The following HSD17B3 variants were observed in gnomAD, a reference collection of about 807,000 sequenced individuals.
HSD17B3 encodes the protein hydroxysteroid 17-beta dehydrogenase 3.
Under a neutral mutation model 41.1 loss-of-function variants are expected in HSD17B3, and 29 were observed. That is an observed-to-expected ratio of 0.71 (90% CI 0.53 to 0.96). The LOEUF is 0.96. Among genes scored for constraint, HSD17B3 ranks in the 40% least tolerant of loss-of-function variants. The pLI, the probability that HSD17B3 is intolerant of heterozygous loss-of-function variation, is 0.00. For missense variants in HSD17B3, 323 were observed against 374.6 expected (o/e 0.86, Z 1.14); for synonymous variants, 126 against 145.6 (o/e 0.87, Z 0.97).
intron 2 of HSD17B3, among the ~76,000 whole-genome samples, chr9:96,295,026 G>A (rs890020564): frequency 1.5e-5 from 1 of 68,708 alleles, no homozygotes; most frequent in African/African-American, 5.4e-5. Context: ...TTTTTTTTTT[G>A]AGATGGTGTC....
At chr9:96,246,685 G>A in intron 6 of HSD17B3, 95 bp from the exon 7 acceptor site, 1 of 1,085,038 alleles carries the variant, frequency 9.2e-7, no homozygotes, top group Non-Finnish European at 1.4e-6. Context: ...GGAGGAAGCT[G>A]GGAAAGAGCC....
rs888642650 is a variant in HSD17B3 at position 96,290,266 on chromosome 9, C to T, written c.201+8150G>A. ...GCCACTCTAAATGTAAACGCAGATT[C>T]GGTTAAATGCAGTGAAGAATAAGCT... On this transcript the variant is annotated intron_variant, in intron 2 of 10. Transcript: ENST00000375263. Among the ~76,000 whole-genome samples the T allele has an allele frequency of 2.6e-5, 4 of 151,896 alleles. No homozygotes were observed. In the South Asian group the frequency reaches 8.3e-4, roughly 32 times the overall value.
At chr9:96,287,238 C>T (rs1215435543) in intron 2 of HSD17B3, among the ~76,000 whole-genome samples, 1 of 152,202 alleles carries the variant, frequency 6.6e-6, no homozygotes, top group Non-Finnish European at 1.5e-5. Flanking sequence ...CCAGCTGAAA[C>T]CAGAGGCCAA....
chr9:96,277,578 G>A (rs1033710547), intron 2 of HSD17B3, among the ~76,000 whole-genome samples: 3 of 152,310 alleles, frequency 2.0e-5, no homozygotes, highest in South Asian at 2.1e-4. Context: ...AAGTATTGGC[G>A]AGGATGCAGA....
At chr9:96,271,178 T>C (rs1331566404) in intron 2 of HSD17B3, among the ~76,000 whole-genome samples, 1 of 152,064 alleles carries the variant, frequency 6.6e-6, no homozygotes, top group Non-Finnish European at 1.5e-5. Context: ...AAAAGAGACA[T>C]GGTACATCCA....
At position 96,249,652 on chromosome 9, in the gene HSD17B3, A is replaced by C. The variant is rs1312327846; in HGVS notation, c.489+99T>G. 3 of 1,103,932 alleles carry C rather than the reference A, an allele frequency of 2.7e-6. No individual in the cohort carries two copies. The African/African-American group carries it at 4.6e-5, about 17-fold the overall frequency. The allele number at this position is 1,103,932 out of a possible 1,614,324, so 68.4% of individuals were successfully genotyped here. A position where few individuals can be genotyped will look rare whatever the true frequency, so the allele number is the denominator to read the frequency against. On this transcript the variant is annotated intron_variant, in intron 6 of 10. Transcript: ENST00000375263. Reference sequence around the variant, plus strand: ...TCAACTAAGTGTGGTTCGATTTCAAAGAATCCTGCTTCTACAGTGGATGGG... The same window carrying C: ...TCAACTAAGTGTGGTTCGATTTCAACGAATCCTGCTTCTACAGTGGATGGG...
chr9:96,240,540 G>A (rs1313989400), intron 10 of HSD17B3, among the ~76,000 whole-genome samples: 2 of 152,070 alleles, frequency 1.3e-5, no homozygotes, highest in African/African-American at 2.4e-5. Flanking sequence ...AGGGGAGGAG[G>A]GAGGCAGCCA....
chr9:96,242,005 G>GAAAA (rs10639457), intron 9 of HSD17B3, among the ~76,000 whole-genome samples: 2 of 68,530 alleles, frequency 2.9e-5, no homozygotes, highest in African/African-American at 1.2e-4. Flanking sequence ...AAGAAAGAAA[G>GAAAA]AGAAAGAAAA....
At chr9:96,282,992 CTT>C (rs58397134) in intron 2 of HSD17B3, among the ~76,000 whole-genome samples, 1,200 of 71,510 alleles carry the variant, frequency 0.017, 12 homozygotes, top group African/African-American at 0.067. Context: ...AGGTTTCTTT[CTT>C]TTTTTTTTTT....
intron 2 of HSD17B3, among the ~76,000 whole-genome samples, chr9:96,270,944 A>G (rs1377036249): frequency 3.1e-5 from 3 of 97,608 alleles, no homozygotes; most frequent in Non-Finnish European, 6.8e-5. Context: ...AAGATCTCTC[A>G]AATCCTCTCG....
At chr9:96,288,895 C>T (rs1038724663) in intron 2 of HSD17B3, among the ~76,000 whole-genome samples, 82 of 151,294 alleles carry the variant, frequency 5.4e-4, no homozygotes, top group African/African-American at 1.9e-3. Flanking sequence ...CGAAATTGCG[C>T]CACTGCACTC....
intron 10 of HSD17B3, 128 bp from the exon 11 acceptor site, chr9:96,235,698 A>G (rs1836210496): frequency 2.5e-6 from 2 of 806,064 alleles, no homozygotes; most frequent in East Asian, 2.7e-5. Context: ...TATGTAATTG[A>G]TAAAGTTTAA....
chr9:96,300,084 C>T (rs969544942), intron 1 of HSD17B3, among the ~76,000 whole-genome samples: 7 of 151,418 alleles, frequency 4.6e-5, no homozygotes, highest in African/African-American at 1.7e-4. Flanking sequence ...GTGCAGAGTG[C>T]TACGTCCACC....
chr9:96,267,191 C>T (rs1194290676), intron 2 of HSD17B3, among the ~76,000 whole-genome samples: 1 of 147,330 alleles, frequency 6.8e-6, no homozygotes, highest in East Asian at 2.0e-4. Context: ...GAGTCTTGCT[C>T]TGTCGCCCAG....
chr9:96,246,685 G>T, intron 6 of HSD17B3, 95 bp from the exon 7 acceptor site: 1 of 1,085,038 alleles, frequency 9.2e-7, no homozygotes, highest in Non-Finnish European at 1.4e-6. Context: ...GGAGGAAGCT[G>T]GGAAAGAGCC....
At chr9:96,281,488 G>C (rs1587771821) in intron 2 of HSD17B3, among the ~76,000 whole-genome samples, 1 of 152,284 alleles carries the variant, frequency 6.6e-6, no homozygotes, top group East Asian at 1.9e-4. Context: ...CCTTGGGTTA[G>C]AGTCCTAACT....
intron 6 of HSD17B3, among the ~76,000 whole-genome samples, chr9:96,247,647 G>T (rs1035479190): frequency 6.6e-6 from 1 of 152,190 alleles, no homozygotes; most frequent in African/African-American, 2.4e-5. Flanking sequence ...ACCGCTTTCC[G>T]TGAATGACTT....
intron 6 of HSD17B3, among the ~76,000 whole-genome samples, chr9:96,247,054 GC>G (rs1836695917): frequency 6.6e-6 from 1 of 152,170 alleles, no homozygotes; most frequent in Non-Finnish European, 1.5e-5. Context: ...TACGCAGCCT[GC>G]AGCTAGGCTA....
chr9:96,302,105 G>T lies in HSD17B3; in HGVS notation c.-1C>A. ...AGAACTGTTCCAGGACGTCCCCCAT[G>T]GCTGCACTCAACAGACTGTTTCAGC... On this transcript the variant is annotated 5_prime_UTR_variant, in exon 1 of 11. Coordinates refer to ENST00000375263, the MANE Select transcript of HSD17B3 (RefSeq NM_000197.2). 6.2e-7 allele frequency: 1 copy of T among 1,614,022 alleles called. No homozygotes were observed. The highest frequency in any genetic ancestry group is 8.5e-7 in the Non-Finnish European group (1 of 1,179,994).
Sources: allele counts gnomAD v4.1 joint callset (sites outside exome capture counted in the v4.1 genomes callset), GRCh38; gene constraint gnomAD v4.1.1; transcripts MANE v1.5; gene names NCBI Gene and HGNC (gene_info 2026-07-23, HGNC 2026-07-21).